The following ABI1 variants were observed in gnomAD, a reference collection of about 807,000 sequenced individuals.
ABI1 encodes abl interactor 1, also known as Abelson interactor 1.
In ABI1, 14 loss-of-function variants were observed where a neutral mutation model predicts 54.6. The ratio of observed to expected loss-of-function variants is 0.26; its 90% confidence interval spans 0.17 to 0.40. ABI1 has a LOEUF of 0.40. Ranked by LOEUF, ABI1 falls within the 10% of genes least tolerant of loss-of-function variation. ABI1 has a pLI of 1.00. For missense variants in ABI1, 443 were observed against 598.3 expected (o/e 0.74, Z 2.71); for synonymous variants, 194 against 209.3 (o/e 0.93, Z 0.63).
chr10:26,843,164 T>A (rs1365570739), intron 1 of ABI1, among the ~76,000 whole-genome samples: 1 of 151,634 alleles, frequency 6.6e-6, no homozygotes, highest in Non-Finnish European at 1.5e-5. Context: ...TCAAAATATC[T>A]TGGTGGGGTC....
chr10:26,812,619 G>A (rs746911341), intron 2 of ABI1, among the ~76,000 whole-genome samples: 5 of 152,136 alleles, frequency 3.3e-5, no homozygotes, highest in Admixed American at 3.3e-4. Flanking sequence ...CAGGTAAGTG[G>A]CTAGGAAATT....
At chr10:26,785,716 C>T (rs1029418845) in intron 2 of ABI1, among the ~76,000 whole-genome samples, 21 of 150,860 alleles carry the variant, frequency 1.4e-4, no homozygotes, top group African/African-American at 4.4e-4. Context: ...CAGAGTCAGA[C>T]TCTGTCTGGG....
chr10:26,798,920 A>C (rs10829066), intron 2 of ABI1, among the ~76,000 whole-genome samples: 10,319 of 152,178 alleles, frequency 0.068, 388 homozygotes, highest in East Asian at 0.14. Flanking sequence ...CACCACAAGC[A>C]GGAGTCAGCA....
intron 10 of ABI1, among the ~76,000 whole-genome samples, chr10:26,749,020 A>G (rs1219577787): frequency 2.6e-5 from 4 of 152,200 alleles, no homozygotes; most frequent in Non-Finnish European, 5.9e-5. Context: ...AGAATTTATT[A>G]GATGTTTCAA....
chr10:26,824,971 T>C (rs1420684602), intron 1 of ABI1, among the ~76,000 whole-genome samples: 2 of 152,230 alleles, frequency 1.3e-5, no homozygotes, highest in Admixed American at 1.3e-4. Flanking sequence ...AAATACTTTA[T>C]TGCTTAAAAC....
chr10:26,857,643 CAA>C (rs372472533), intron 1 of ABI1, among the ~76,000 whole-genome samples: 27,927 of 84,052 alleles, frequency 0.33, 2,992 homozygotes, highest in South Asian at 0.48. Flanking sequence ...GACTGTGTCT[CAA>C]AAAAAAAAAA....
intron 7 of ABI1, chr10:26,764,038 T>C (rs943947396): frequency 8.9e-6 from 10 of 1,128,038 alleles, no homozygotes; most frequent in African/African-American, 1.6e-5. Context: ...GAAAGTACAA[T>C]GTATCGGGAA....
chr10:26,858,435 T>C (rs777263985), intron 1 of ABI1, among the ~76,000 whole-genome samples: 1 of 149,118 alleles, frequency 6.7e-6, no homozygotes, highest in African/African-American at 2.5e-5. Flanking sequence ...ATTTAGATAA[T>C]CATTGCTTTG....
intron 1 of ABI1, among the ~76,000 whole-genome samples, chr10:26,837,993 T>C (rs17754586): frequency 0.25 from 38,496 of 151,360 alleles, 5,551 homozygotes; most frequent in South Asian, 0.44. Context: ...GAAAGCTCAC[T>C]GATACTGATC....
intron 4 of ABI1, 138 bp from the exon 5 acceptor site, chr10:26,770,483 CAGTTTA>C: frequency 1.1e-6 from 1 of 925,032 alleles, no homozygotes; most frequent in Non-Finnish European, 1.8e-6. Flanking sequence ...TTTGGTACTA[CAGTTTA>C]AAAAGTCAAG....
chr10:26,859,501 G>T (rs2051122616), intron 1 of ABI1, among the ~76,000 whole-genome samples: 1 of 152,184 alleles, frequency 6.6e-6, no homozygotes, highest in African/African-American at 2.4e-5. Context: ...CTTACCAAAA[G>T]CAAGAGCATT....
intron 10 of ABI1, among the ~76,000 whole-genome samples, chr10:26,750,716 A>C (rs529287753): frequency 1.3e-5 from 2 of 152,330 alleles, no homozygotes; most frequent in South Asian, 4.1e-4. Context: ...TTTTATTTTT[A>C]ATTGATTCCC....
intron 2 of ABI1, among the ~76,000 whole-genome samples, chr10:26,788,644 G>T (rs901617422): frequency 6.6e-6 from 1 of 151,992 alleles, no homozygotes; most frequent in African/African-American, 2.4e-5. Context: ...CGGGTGCAGT[G>T]GCTCACGCCT....
At chr10:26,798,449 G>A (rs1339104140) in intron 2 of ABI1, among the ~76,000 whole-genome samples, 3 of 152,082 alleles carry the variant, frequency 2.0e-5, no homozygotes, top group Admixed American at 1.3e-4. Context: ...GGGGTCATGC[G>A]CCAAAAGTGC....
At position 26,784,714 on chromosome 10, in the gene ABI1, T is replaced by A. The variant is rs114668099; in HGVS notation, c.286-7473A>T. Among the ~76,000 whole-genome samples, 471 of 152,114 alleles carry A rather than the reference T, an allele frequency of 3.1e-3. 1 individual carries two copies. The highest frequency in any genetic ancestry group is 0.01 in the African/African-American group (435 of 41,470). Reference sequence around the variant, plus strand: ...AAGGGAAAAATCACTATAATGGGAGTCATCCAATTAGAAAACTTTATTTGA... The same window carrying A: ...AAGGGAAAAATCACTATAATGGGAGACATCCAATTAGAAAACTTTATTTGA... On this transcript the variant is annotated intron_variant, in intron 2 of 10. Transcript: ENST00000376140.
At chr10:26,793,611 T>C (rs1843740963) in intron 2 of ABI1, among the ~76,000 whole-genome samples, 1 of 152,232 alleles carries the variant, frequency 6.6e-6, no homozygotes, top group African/African-American at 2.4e-5. Context: ...TGCTTAATTA[T>C]ATAAGACAAA....
chr10:26,792,277 T>A (rs142316082), intron 2 of ABI1, among the ~76,000 whole-genome samples: 140 of 152,350 alleles, frequency 9.2e-4, no homozygotes, highest in African/African-American at 3.0e-3. Flanking sequence ...ATAAGTGTAA[T>A]TTTTGTCTTT....
In ABI1 at chr10:26,755,718, G is replaced by A; in HGVS notation, c.1021C>T (p.Pro341Ser). The part of the protein sequence containing the change: ...NSISIAPPPP[P>S]MPQLTPQIPL... ...ATCTGTGGAGTCAACTGAGGCATAG[G>A]GGGAGGGGGTGGAGCAATAGAAACT... Residue 341 changes from proline to serine, a missense_variant, in exon 9 of 11, where the codon CCT (proline) becomes TCT (serine). Pro to Ser is a moderately conservative substitution (Grantham distance 74). This residue lies in a region of ABI1 where 394 missense variants were observed against 484.8 expected (regional missense o/e 0.81). Coordinates refer to ENST00000376140, the MANE Select transcript of ABI1 (RefSeq NM_001012750.3). 1.2e-6 allele frequency: 2 copies of A among 1,613,476 alleles called. No individual in the cohort carries two copies. Among genetic ancestry groups the A allele is most frequent in the Non-Finnish European group, 8.5e-7 (1 of 1,179,566 alleles).
rs1181699196 is a variant in ABI1 at position 26,759,240 on chromosome 10, T to C, written c.821-2A>G. 6.2e-7 allele frequency: 1 copy of C among 1,613,184 alleles called. No individual in the cohort carries two copies. Among genetic ancestry groups the C allele is most frequent in the South Asian group, 1.1e-5 (1 of 90,934 alleles). On this transcript the variant is annotated splice_acceptor_variant, in intron 7 of 10. Coordinates refer to ENST00000376140, the MANE Select transcript of ABI1 (RefSeq NM_001012750.3). LOFTEE classifies it high-confidence loss of function. The stretch of plus-strand genomic sequence containing the variant: ...AACCAGGAGCTGAGCCCGGGGCTGC[T>C]GAAAAGCATTAGTCAAAGGCAACCA...
Sources: allele counts gnomAD v4.1 joint callset (sites outside exome capture counted in the v4.1 genomes callset), GRCh38; gene constraint gnomAD v4.1.1; regional missense constraint gnomAD v4.1.1; transcripts MANE v1.5; gene names NCBI Gene and HGNC (gene_info 2026-07-23, HGNC 2026-07-21).